Variants in DPH6 observed in about 807,000 individuals in gnomAD.
DPH6 encodes diphthamine biosynthesis 6, also known as diphthine--ammonia ligase.
A neutral mutation model predicts 38.2 loss-of-function variants in DPH6; 33 were observed. The observed-to-expected ratio is 0.86, with a 90% CI of 0.65 to 1.15. The LOEUF (loss-of-function observed/expected upper bound fraction) is 1.15, where lower values mean the gene tolerates loss of function less well. Ranked by LOEUF, DPH6 falls within the 50% of genes most tolerant of loss-of-function variation. The probability of loss-of-function intolerance (pLI) is 0.00; values close to 1 mark genes in which losing one functional copy is unlikely to be tolerated. For missense variants in DPH6, 325 were observed against 320.0 expected (o/e 1.02, Z -0.12); for synonymous variants, 108 against 103.0 (o/e 1.05, Z -0.30).
rs999463893 is a variant in DPH6 at position 35,242,510 on chromosome 15, T to C, written n.201-21928A>G. On this transcript the variant is annotated intron_variant and non_coding_transcript_variant, in intron 3 of 3. Coordinates refer to the DPH6 transcript ENST00000560386. ...GTCAGTTCTTCCCTTCTGTCAGACA[T>C]AATTCCTCAGTTTAGCCTTCCCACC... Among the ~76,000 whole-genome samples, 68 of 143,608 alleles carry C rather than the reference T, an allele frequency of 4.7e-4. 10 individuals are homozygous for C. Among genetic ancestry groups the C allele is most frequent in the Non-Finnish European group, 8.1e-4 (53 of 65,466 alleles). The allele number at this position is 143,608 out of a possible 152,430, so 94.2% of individuals were successfully genotyped here. A position where few individuals can be genotyped will look rare whatever the true frequency, so the allele number is the denominator to read the frequency against.
chr15:35,148,551 G>A, the DPH6 span, among the ~76,000 whole-genome samples: 3 of 152,096 alleles, frequency 2.0e-5, no homozygotes, highest in African/African-American at 7.2e-5. Context: ...GTCATTTTTG[G>A]TTCTTTCCTT....
intron 3 of DPH6, chr15:35,522,214 T>C (rs889648613): frequency 1.9e-6 from 3 of 1,613,240 alleles, no homozygotes; most frequent in Non-Finnish European, 2.5e-6. Context: ...CACTTTCAAA[T>C]GCATGTGAAA....
chr15:35,491,338 C>G (rs1390487591), intron 3 of DPH6, among the ~76,000 whole-genome samples: 2 of 151,940 alleles, frequency 1.3e-5, no homozygotes, highest in African/African-American at 4.8e-5. Flanking sequence ...CTGGCTTGCC[C>G]AACAATAAAA....
chr15:35,263,861 A>G (rs1293721796), intron 3 of DPH6, among the ~76,000 whole-genome samples: 1 of 151,780 alleles, frequency 6.6e-6, no homozygotes, highest in East Asian at 1.9e-4. Context: ...ACAGGCGCCC[A>G]CCACCACGCC....
intron 3 of DPH6, among the ~76,000 whole-genome samples, chr15:35,482,407 G>C (rs1359669662): frequency 6.6e-6 from 1 of 152,120 alleles, no homozygotes; most frequent in East Asian, 1.9e-4. Flanking sequence ...AGACACAAGA[G>C]AGTAAAGTGG....
chr15:35,296,059 C>A (rs1057456026), intron 3 of DPH6, among the ~76,000 whole-genome samples: 2 of 151,976 alleles, frequency 1.3e-5, no homozygotes, highest in Non-Finnish European at 2.9e-5. Context: ...CTTGCCTCAG[C>A]CTCCCAAGTA....
At chr15:35,303,917 T>G (rs1399735309) in intron 3 of DPH6, among the ~76,000 whole-genome samples, 3 of 152,028 alleles carry the variant, frequency 2.0e-5, no homozygotes, top group African/African-American at 7.2e-5. Context: ...CGTGATTATA[T>G]TCCTGAAAAT....
intron 3 of DPH6, among the ~76,000 whole-genome samples, chr15:35,312,166 C>T (rs975929257): frequency 6.6e-6 from 1 of 151,942 alleles, no homozygotes; most frequent in Non-Finnish European, 1.5e-5. Context: ...ATGACGCATG[C>T]AATTATTTTA....
chr15:35,382,133 TA>T (rs150975865), intron 6 of DPH6, among the ~76,000 whole-genome samples: 99 of 151,510 alleles, frequency 6.5e-4, no homozygotes, highest in African/African-American at 2.2e-3. Flanking sequence ...CCAAAACTCT[TA>T]AAAAAAAATA....
At chr15:35,473,821 CA>C (rs2054226550) in intron 3 of DPH6, among the ~76,000 whole-genome samples, 1 of 151,824 alleles carries the variant, frequency 6.6e-6, no homozygotes, top group Admixed American at 6.6e-5. Context: ...GACTACTACA[CA>C]ACAATTAAAA....
chr15:35,347,586 A>C (rs533647656), intron 3 of DPH6, among the ~76,000 whole-genome samples: 2 of 152,256 alleles, frequency 1.3e-5, no homozygotes, highest in East Asian at 3.9e-4. Context: ...AAAATACTGC[A>C]ATAAACTTGG....
chr15:35,304,898 T>G (rs534144683), intron 3 of DPH6, among the ~76,000 whole-genome samples: 1 of 152,226 alleles, frequency 6.6e-6, no homozygotes, highest in South Asian at 2.1e-4. Flanking sequence ...CTTACAGAGT[T>G]TGATAATCAA....
At chr15:35,502,838 T>C (rs367982952) in intron 3 of DPH6, among the ~76,000 whole-genome samples, 1 of 150,354 alleles carries the variant, frequency 6.7e-6, no homozygotes, top group East Asian at 1.9e-4. Context: ...CAATTATTAA[T>C]ACTAGAGTGG....
At chr15:35,225,708 C>A (rs1384382062) in intron 3 of DPH6, among the ~76,000 whole-genome samples, 1 of 152,110 alleles carries the variant, frequency 6.6e-6, no homozygotes, top group African/African-American at 2.4e-5. Flanking sequence ...AAACAAAGAT[C>A]CAGGTACTAG....
At position 35,358,589 on chromosome 15, in the gene DPH6, T is replaced by C. The variant is rs1215298418; in HGVS notation, n.207+14932A>G. Reference sequence around the variant, plus strand: ...CCCATGGGGTGTTCCTTTGATGTAGTACTCTCCCCTTTTTCCTATGGATGT... The same window carrying C: ...CCCATGGGGTGTTCCTTTGATGTAGCACTCTCCCCTTTTTCCTATGGATGT... On this transcript the variant is annotated intron_variant and non_coding_transcript_variant, in intron 3 of 3. Coordinates refer to the DPH6 transcript ENST00000558973. Among the ~76,000 whole-genome samples the C allele has an allele frequency of 2.6e-5, 4 of 152,226 alleles. No homozygotes were observed. The East Asian group carries it at 7.7e-4, about 29-fold the overall frequency.
intron 6 of DPH6, among the ~76,000 whole-genome samples, chr15:35,382,308 C>T (rs779748240): frequency 2.6e-5 from 4 of 152,038 alleles, no homozygotes; most frequent in Non-Finnish European, 2.9e-5. Context: ...TGGTGGTGGG[C>T]GCCTGCAGTC....
exon 4 of DPH6, chr15:35,331,061 A>G (rs2052323606): frequency 6.6e-6 from 1 of 152,156 alleles, no homozygotes; most frequent in Non-Finnish European, 1.5e-5. Flanking sequence ...GTTTCCTTGA[A>G]TATATTGGTT....
the DPH6 span, among the ~76,000 whole-genome samples, chr15:35,157,083 G>T: frequency 6.6e-6 from 1 of 152,158 alleles, no homozygotes; most frequent in Non-Finnish European, 1.5e-5. Flanking sequence ...TATAGCATGG[G>T]ATGGGACTAA....
intron 3 of DPH6, among the ~76,000 whole-genome samples, chr15:35,526,361 C>T (rs1032525591): frequency 6.6e-5 from 10 of 152,204 alleles, no homozygotes; most frequent in Non-Finnish European, 1.5e-4. Context: ...TTCTGATTGT[C>T]AATGTCTTTT....
Sources: allele counts gnomAD v4.1 joint callset (sites outside exome capture counted in the v4.1 genomes callset), GRCh38; gene constraint gnomAD v4.1.1; transcripts MANE v1.5; gene names NCBI Gene and HGNC (gene_info 2026-07-23, HGNC 2026-07-21).